The following ESF1 variants were observed in gnomAD, a reference collection of about 807,000 sequenced individuals.
ESF1 encodes the protein ESF1 nucleolar pre-rRNA processing protein.
Under a neutral mutation model 92.0 loss-of-function variants are expected in ESF1, and 58 were observed. The observed-to-expected ratio is 0.63, with a 90% CI of 0.51 to 0.78. The LOEUF is 0.78. Among genes scored for constraint, ESF1 ranks in the 30% least tolerant of loss-of-function variants. The pLI is 0.00. For missense variants in ESF1, 922 were observed against 989.1 expected (o/e 0.93, Z 0.91); for synonymous variants, 321 against 313.7 (o/e 1.02, Z -0.24).
intron 9 of ESF1, among the ~76,000 whole-genome samples, chr20:13,739,122 T>C (rs989861687): frequency 6.6e-6 from 1 of 152,204 alleles, no homozygotes; most frequent in Admixed American, 6.5e-5. Context: ...CAATTCTATA[T>C]CTTCCAAAAC....
chr20:13,714,841 G>A lies in ESF1; in HGVS notation c.*33C>T. On this transcript the variant is annotated 3_prime_UTR_variant, in exon 14 of 14. Coordinates refer to ENST00000617257, the MANE Select transcript of ESF1 (RefSeq NM_001276380.2). ...ATTATTTTTGTACATTTTAGGAAAA[G>A]ATGTATTCAGTTCAAAAATAAGTAA... 1.3e-6 allele frequency: 2 copies of A among 1,519,968 alleles called. No individual in the cohort carries two copies. The highest frequency in any genetic ancestry group is 1.8e-6 in the Non-Finnish European group (2 of 1,123,656). The allele number at this position is 1,519,968 out of a possible 1,614,324, so 94.2% of individuals were successfully genotyped here. A position where few individuals can be genotyped will look rare whatever the true frequency, so the allele number is the denominator to read the frequency against.
chr20:13,724,595 GA>G (rs1391353854), intron 11 of ESF1, among the ~76,000 whole-genome samples: 1 of 152,110 alleles, frequency 6.6e-6, no homozygotes, highest in Non-Finnish European at 1.5e-5. Flanking sequence ...TGCTGGGGAG[GA>G]AAAGGTTCAG....
chr20:13,755,983 A>G (rs1978874689), intron 9 of ESF1, among the ~76,000 whole-genome samples: 1 of 152,216 alleles, frequency 6.6e-6, no homozygotes, highest in African/African-American at 2.4e-5. Context: ...CCAATGAATG[A>G]TACGGTATAA....
In ESF1 at chr20:13,714,365, A is replaced by C. The variant is rs1487453337; in HGVS notation, c.*509T>G. 1 of 152,278 alleles carries C rather than the reference A, an allele frequency of 6.6e-6. No individual in the cohort carries two copies. The highest frequency in any genetic ancestry group is 1.5e-5 in the Non-Finnish European group (1 of 68,072). The allele number at this position is 152,278 out of a possible 1,614,324, so 9.4% of individuals were successfully genotyped here. A position where few individuals can be genotyped will look rare whatever the true frequency, so the allele number is the denominator to read the frequency against. Reference sequence around the variant, plus strand: ...CTTTTATTTACAAGTTAATTTCATAAACTATACTTAACATGACTAAACAAC... The same window carrying C: ...CTTTTATTTACAAGTTAATTTCATACACTATACTTAACATGACTAAACAAC... On this transcript the variant is annotated 3_prime_UTR_variant, in exon 14 of 14. Coordinates refer to ENST00000617257, the MANE Select transcript of ESF1 (RefSeq NM_001276380.2).
At chr20:13,740,425 A>G (rs1020033552) in intron 9 of ESF1, among the ~76,000 whole-genome samples, 2 of 152,196 alleles carry the variant, frequency 1.3e-5, no homozygotes, top group African/African-American at 2.4e-5. Context: ...GACAGAGGTA[A>G]AGAAAGAATT....
intron 11 of ESF1, among the ~76,000 whole-genome samples, chr20:13,719,905 CT>C (rs1201566420): frequency 6.6e-6 from 1 of 152,142 alleles, no homozygotes; most frequent in Non-Finnish European, 1.5e-5. Context: ...ACGCTTTCTC[CT>C]TCTCTGAAGA....
intron 10 of ESF1, among the ~76,000 whole-genome samples, chr20:13,730,291 C>G (rs919759228): frequency 6.6e-6 from 1 of 151,736 alleles, no homozygotes; most frequent in African/African-American, 2.4e-5. Flanking sequence ...GCAGGCTGGT[C>G]TTGAACTCCT....
chr20:13,729,251 C>T (rs914571286), intron 10 of ESF1, among the ~76,000 whole-genome samples: 9 of 152,104 alleles, frequency 5.9e-5, no homozygotes, highest in East Asian at 3.9e-4. Context: ...AGCGAGACTC[C>T]GTCTCAAAAC....
chr20:13,774,381 T>C (rs1242039333), intron 4 of ESF1, among the ~76,000 whole-genome samples: 3 of 152,190 alleles, frequency 2.0e-5, no homozygotes, highest in Non-Finnish European at 2.9e-5. Context: ...TAAGTATATA[T>C]AATGCAATTT....
At chr20:13,746,857 A>G (rs1235353200) in intron 9 of ESF1, among the ~76,000 whole-genome samples, 1 of 152,180 alleles carries the variant, frequency 6.6e-6, no homozygotes, top group East Asian at 1.9e-4. Context: ...CAATCTAAAT[A>G]TTTTCTTCCA....
chr20:13,719,038 A>G, intron 11 of ESF1, 54 bp from the exon 12 acceptor site: 2 of 1,296,742 alleles, frequency 1.5e-6, no homozygotes, highest in South Asian at 1.4e-5. Context: ...TATCAGCAAC[A>G]TTCTGTTTAT....
chr20:13,782,505 T>C lies in ESF1; in HGVS notation c.636A>G (p.Ser212=). 6.7e-7 allele frequency: 1 copy of C among 1,503,200 alleles called. No homozygotes were observed. Among genetic ancestry groups the C allele is most frequent in the Non-Finnish European group, 8.8e-7 (1 of 1,133,584 alleles). The allele number at this position is 1,503,200 out of a possible 1,614,324, so 93.1% of individuals were successfully genotyped here. The part of the protein sequence containing the change: ...ECSKTRREMQ[S]VVQLIMTRDS... ...AATCTCTAATTTTTTCCAACCTACC[T>C]GATTGCATTTCTCTTCTTGTCTTAG... Residue 212 remains serine (S), a splice_region_variant and synonymous_variant, in exon 2 of 14, where the codon TCA becomes TCG. Coordinates refer to ENST00000617257, the MANE Select transcript of ESF1 (RefSeq NM_001276380.2).
chr20:13,721,888 A>G (rs539734310), intron 11 of ESF1, among the ~76,000 whole-genome samples: 17 of 152,258 alleles, frequency 1.1e-4, no homozygotes, highest in African/African-American at 4.1e-4. Flanking sequence ...GAATCTTAAG[A>G]GTATAATCTT....
At chr20:13,762,853 A>ATTT (rs748104920) in intron 8 of ESF1, 30 of 278,328 alleles carry the variant, frequency 1.1e-4, no homozygotes, top group South Asian at 2.0e-4. Flanking sequence ...TATTTATTAA[A>ATTT]GTTTTTTTTT....
At chr20:13,782,293 T>C (rs183305151) in intron 2 of ESF1, among the ~76,000 whole-genome samples, 15 of 152,330 alleles carry the variant, frequency 9.8e-5, no homozygotes, top group Admixed American at 3.3e-4. Flanking sequence ...ACTGTTTAAC[T>C]TCAAGATTCA....
At chr20:13,762,166 G>C (rs1979230102) in intron 8 of ESF1, among the ~76,000 whole-genome samples, 1 of 151,820 alleles carries the variant, frequency 6.6e-6, no homozygotes, top group Non-Finnish European at 1.5e-5. Flanking sequence ...TTAAAAAAGT[G>C]ATATGGAAAA....
chr20:13,725,650 A>G (rs1395609453), intron 11 of ESF1, among the ~76,000 whole-genome samples: 1 of 152,190 alleles, frequency 6.6e-6, no homozygotes, highest in Non-Finnish European at 1.5e-5. Flanking sequence ...CCAGTATGAC[A>G]GATTAACAGT....
At chr20:13,725,735 T>C (rs191612425) in intron 11 of ESF1, among the ~76,000 whole-genome samples, 1 of 152,210 alleles carries the variant, frequency 6.6e-6, no homozygotes, top group South Asian at 2.1e-4. Flanking sequence ...CTACTCGCAC[T>C]GCCATGGTTT....
At chr20:13,739,131 A>G (rs1286420795) in intron 9 of ESF1, among the ~76,000 whole-genome samples, 1 of 152,192 alleles carries the variant, frequency 6.6e-6, no homozygotes, top group Non-Finnish European at 1.5e-5. Flanking sequence ...ATCTTCCAAA[A>G]CATTCAGTGA....
Sources: allele counts gnomAD v4.1 joint callset (sites outside exome capture counted in the v4.1 genomes callset), GRCh38; gene constraint gnomAD v4.1.1; transcripts MANE v1.5; gene names NCBI Gene and HGNC (gene_info 2026-07-23, HGNC 2026-07-21).